Variants in DOCK9 observed in about 807,000 individuals in gnomAD.
DOCK9 encodes dedicator of cytokinesis protein 9.
Under a neutral mutation model 263.3 loss-of-function variants are expected in DOCK9, and 89 were observed. The observed-to-expected ratio is 0.34, with a 90% CI of 0.28 to 0.40. DOCK9 has a LOEUF of 0.40. Among genes scored for constraint, DOCK9 ranks in the 10% least tolerant of loss-of-function variants. The pLI, the probability that DOCK9 is intolerant of heterozygous loss-of-function variation, is 1.00. For synonymous variants in DOCK9, 976 were observed against 973.1 expected (o/e 1.00, Z -0.06); for missense variants, 2,140 against 2,603.4 (o/e 0.82, Z 3.87).
intron 2 of DOCK9, among the ~76,000 whole-genome samples, chr13:98,946,263 C>T (rs2056692046): frequency 6.6e-6 from 1 of 152,080 alleles, no homozygotes; most frequent in East Asian, 1.9e-4. Flanking sequence ...TGGAAGAGGG[C>T]AAGGAGAGAA....
At chr13:99,008,692 G>A (rs1438264652) in intron 1 of DOCK9, among the ~76,000 whole-genome samples, 2 of 152,194 alleles carry the variant, frequency 1.3e-5, no homozygotes, top group Non-Finnish European at 2.9e-5. Flanking sequence ...TTCTAAGACT[G>A]GAAGTCTGAG....
intron 33 of DOCK9, chr13:98,857,972 C>T (rs1447066543): frequency 6.6e-6 from 1 of 152,072 alleles, no homozygotes; most frequent in Non-Finnish European, 1.5e-5. Context: ...ATTTGAAGAA[C>T]ACAGAAGTCA....
At chr13:98,888,135 AC>A in intron 18 of DOCK9, 22 bp downstream of exon 18, 1 of 1,526,796 alleles carries the variant, frequency 6.5e-7, no homozygotes, top group Non-Finnish European at 8.9e-7. Context: ...TCGTAGGTGA[AC>A]ATATATTAAA....
At chr13:98,930,605 T>C (rs2053761603) in intron 2 of DOCK9, among the ~76,000 whole-genome samples, 1 of 152,184 alleles carries the variant, frequency 6.6e-6, no homozygotes, top group African/African-American at 2.4e-5. Context: ...TTGTCTTAAC[T>C]GCCTTTTTTT....
rs1038232810 is a variant in DOCK9 at position 99,077,894 on chromosome 13, T to C, written c.129+8329A>G. ...GTGGAAGAAATAAACCTTTCTGTTC[T>C]AAGCCACTGAGATCTGGGAGTCCTT... On this transcript the variant is annotated intron_variant, in intron 1 of 32. Coordinates refer to the DOCK9 transcript ENST00000427887. Among the ~76,000 whole-genome samples the C allele has an allele frequency of 3.9e-5, 6 of 152,298 alleles. 1 individual carries two copies. In the South Asian group the frequency reaches 1.0e-3, roughly 26 times the overall value.
chr13:98,979,636 C>G (rs575504479), upstream of DOCK9, among the ~76,000 whole-genome samples: 12 of 152,118 alleles, frequency 7.9e-5, no homozygotes, highest in African/African-American at 2.9e-4. Context: ...TTTAAACTAC[C>G]CAATCTCTCA....
At chr13:99,013,514 C>A (rs10492575) in intron 1 of DOCK9, among the ~76,000 whole-genome samples, 2 of 152,068 alleles carry the variant, frequency 1.3e-5, no homozygotes, top group Admixed American at 6.5e-5. Flanking sequence ...ACAAAGAATA[C>A]GTCAGGTGAA....
chr13:99,063,060 A>G (rs775941309), intron 1 of DOCK9, among the ~76,000 whole-genome samples: 8 of 152,260 alleles, frequency 5.3e-5, no homozygotes, highest in Non-Finnish European at 1.0e-4. Context: ...TTCACGACTC[A>G]GAATACAAGA....
intron 1 of DOCK9, among the ~76,000 whole-genome samples, chr13:98,963,893 C>A (rs1403974974): frequency 6.6e-6 from 1 of 152,254 alleles, no homozygotes; most frequent in Non-Finnish European, 1.5e-5. Context: ...TCCTATCATG[C>A]ACGTGACTCT....
chr13:98,808,794 C>T (rs1293504716), intron 47 of DOCK9: 4 of 716,118 alleles, frequency 5.6e-6, no homozygotes, highest in Admixed American at 3.1e-5. Context: ...TTAAGGGACT[C>T]GAAGGTTAAA....
intron 34 of DOCK9, 51 bp downstream of exon 34, chr13:98,855,847 G>A: frequency 6.2e-7 from 1 of 1,605,370 alleles, no homozygotes; most frequent in Non-Finnish European, 8.5e-7. Context: ...TTTACTTTGG[G>A]CTAAATCCAT....
At position 98,829,057 on chromosome 13, in the gene DOCK9, T is replaced by C. The variant is rs2092659861; in HGVS notation, c.4965+250A>G. Among the ~76,000 whole-genome samples the C allele has an allele frequency of 6.6e-6, 1 of 152,220 alleles. No homozygotes were observed. The highest frequency in any genetic ancestry group is 1.5e-5 in the Non-Finnish European group (1 of 68,046). On this transcript the variant is annotated intron_variant, in intron 43 of 52. Coordinates refer to ENST00000682017, the MANE Select transcript of DOCK9 (RefSeq NM_001366683.2). The surrounding 1 kb of genome is among the most constrained non-coding windows in gnomAD (Gnocchi z 4.1). ...ATGTGTATTTTAATTAGCAGGAGAC[T>C]GTATGAATAGGTTTAAGAGCTTAAA...
chr13:99,007,368 C>T (rs917318374), intron 1 of DOCK9, among the ~76,000 whole-genome samples: 31 of 151,248 alleles, frequency 2.0e-4, no homozygotes, highest in Non-Finnish European at 8.8e-5. Flanking sequence ...AGCCTGGTGA[C>T]GGAAGAAGAC....
intron 39 of DOCK9, 48 bp downstream of exon 39, chr13:98,837,446 G>T: frequency 2.3e-6 from 3 of 1,316,364 alleles, no homozygotes; most frequent in Admixed American, 1.8e-5. Flanking sequence ...CAAGCAGAAT[G>T]AATGTGAAAG....
chr13:99,064,346 T>C (rs1420304661), intron 1 of DOCK9, among the ~76,000 whole-genome samples: 1 of 152,172 alleles, frequency 6.6e-6, no homozygotes, highest in African/African-American at 2.4e-5. Context: ...GTGACAGTAT[T>C]TGGATATCAA....
Position 98,888,210 on chromosome 13 carries a change from G to T in DOCK9, c.1991C>A (p.Ala664Glu). 6.2e-7 allele frequency: 1 copy of T among 1,610,066 alleles called. No individual in the cohort carries two copies. Among genetic ancestry groups the T allele is most frequent in the African/African-American group, 1.3e-5 (1 of 74,918 alleles). Residue 664 changes from alanine to glutamate, a missense_variant, in exon 18 of 53, where the codon GCG becomes GAG. Ala to Glu is a moderately radical substitution (Grantham distance 107). Coordinates refer to ENST00000682017, the MANE Select transcript of DOCK9 (RefSeq NM_001366683.2). ...QKSFAKARNIAICIEFKDSDE... is the reference protein window; with the variant it reads ...QKSFAKARNIEICIEFKDSDE... ...TGAATCTTTGAATTCAATGCAAATCGCAATATTTCTAGCCTGCAGCAATAA... is the reference window on the plus strand; with the variant it reads ...TGAATCTTTGAATTCAATGCAAATCTCAATATTTCTAGCCTGCAGCAATAA...
chr13:98,982,385 A>C (rs1877416464), upstream of DOCK9, among the ~76,000 whole-genome samples: 1 of 152,140 alleles, frequency 6.6e-6, no homozygotes, highest in African/African-American at 2.4e-5. Context: ...CATGCCCAAG[A>C]CCCAGTTTAA....
At position 98,837,521 on chromosome 13, in the gene DOCK9, C is replaced by G. The variant is rs370435579; in HGVS notation, c.4287G>C (p.Thr1429=). ...ATEVCLTALD[T]LSLFTLAFKN... ...TAAACGCCAATGTAAATAGAGAAAGCGTGTCCAGAGCTGTCAGGCAAACCT... is the reference window on the plus strand; with the variant it reads ...TAAACGCCAATGTAAATAGAGAAAGGGTGTCCAGAGCTGTCAGGCAAACCT... The change falls in exon 39 of 53, where the codon ACG becomes ACC. Residue 1429 remains threonine, a synonymous_variant. Transcript: ENST00000682017. The G allele has an allele frequency of 1.9e-6, 3 of 1,612,854 alleles. No homozygotes were observed. Among genetic ancestry groups the G allele is most frequent in the Non-Finnish European group, 2.5e-6 (3 of 1,179,226 alleles).
intron 2 of DOCK9, among the ~76,000 whole-genome samples, chr13:98,932,121 G>A (rs150915275): frequency 1.7e-4 from 26 of 152,152 alleles, no homozygotes; most frequent in East Asian, 7.8e-4. Flanking sequence ...GACTGGGCGC[G>A]GTGACTGACG....
Sources: allele counts gnomAD v4.1 joint callset (sites outside exome capture counted in the v4.1 genomes callset), GRCh38; gene constraint gnomAD v4.1.1; non-coding constraint Gnocchi (gnomAD v3.1); transcripts MANE v1.5; gene names NCBI Gene and HGNC (gene_info 2026-07-23, HGNC 2026-07-21).